BICRA: variants seen among roughly 807,000 people sequenced by gnomAD.
BICRA encodes BRD4-interacting chromatin-remodeling complex-associated protein.
In BICRA, 31 loss-of-function variants were observed where a neutral mutation model predicts 96.9. The ratio of observed to expected loss-of-function variants is 0.32; its 90% CI spans 0.24 to 0.43. The LOEUF (loss-of-function observed/expected upper bound fraction) is 0.43, where lower values mean the gene tolerates loss of function less well. Among genes scored for constraint, BICRA ranks in the 20% least tolerant of loss-of-function variants. The probability of loss-of-function intolerance (pLI) is 1.00; values close to 1 mark genes in which losing one functional copy is unlikely to be tolerated. For synonymous variants in BICRA, 1,350 were observed against 1,071.8 expected (o/e 1.26, Z -5.07); for missense variants, 2,283 against 2,190.3 (o/e 1.04, Z -0.84).
At position 47,699,237 on chromosome 19, in the gene BICRA, C is replaced by G. The variant is rs1973401128; in HGVS notation, c.3493-66C>G. 1.0e-6 allele frequency: 1 copy of G among 967,534 alleles called. No homozygotes were observed. Among genetic ancestry groups the G allele is most frequent in the Admixed American group, 2.0e-5 (1 of 50,040 alleles). 59.9% of individuals were successfully genotyped at this position (967,534 alleles called of 1,614,324 possible). Reference sequence around the variant, plus strand: ...AGTTTGGACCTTGCACGCATCGTCCCCGTCGCTCGCGCCCCTTCCCCCTTC... The same window carrying G: ...AGTTTGGACCTTGCACGCATCGTCCGCGTCGCTCGCGCCCCTTCCCCCTTC... On this transcript the variant is annotated intron_variant, in intron 13 of 14. Coordinates refer to ENST00000594866, the MANE Select transcript of BICRA (RefSeq NM_001394372.1). The surrounding 1 kb of genome is among the most constrained non-coding windows in gnomAD (Gnocchi z 5.0).
At chr19:47,651,140 G>A (rs1415738648) in intron 1 of BICRA, among the ~76,000 whole-genome samples, 3 of 151,952 alleles carry the variant, frequency 2.0e-5, no homozygotes, top group Admixed American at 6.6e-5. Context: ...TCTGCAGTCC[G>A]TTCTCCACTC....
intron 1 of BICRA, among the ~76,000 whole-genome samples, chr19:47,614,293 A>G (rs952325220): frequency 3.9e-5 from 6 of 152,100 alleles, no homozygotes; most frequent in Admixed American, 6.6e-5. Context: ...TGTTCTGTGC[A>G]TGTACTTTTA....
chr19:47,689,662 T>TC (rs1973211611), intron 7 of BICRA, among the ~76,000 whole-genome samples: 1 of 132,020 alleles, frequency 7.6e-6, no homozygotes, highest in Non-Finnish European at 1.6e-5. Context: ...TCCGCCTGCC[T>TC]GGCCTCCCAA....
At position 47,701,923 on chromosome 19, in the gene BICRA, C is replaced by T. The variant is rs1284559349; in HGVS notation, c.4191C>T (p.Gly1397=). ...LRKTYRENVG[G]PGAPEGTPAG... is the part of the protein sequence containing the mutation. ...AGACCTACCGCGAGAACGTGGGGGG[C>T]CCTGGCGCGCCGGAGGGGACGCCCG... is the stretch of plus-strand genomic sequence containing the variant. Residue 1397 remains glycine (G), a synonymous_variant, in exon 15 of 15, where the codon GGC becomes GGT. Coordinates refer to ENST00000594866, the MANE Select transcript of BICRA (RefSeq NM_001394372.1). The surrounding 1 kb of genome is among the most constrained non-coding windows in gnomAD (Gnocchi z 5.4). 8 of 1,431,854 alleles carry T rather than the reference C, an allele frequency of 5.6e-6. No homozygotes were observed. The South Asian group carries it at 1.1e-4, about 20-fold the overall frequency. 88.7% of individuals were successfully genotyped at this position (1,431,854 alleles called of 1,614,324 possible).
intron 1 of BICRA, among the ~76,000 whole-genome samples, chr19:47,639,536 A>G (rs1024445620): frequency 2.0e-5 from 3 of 150,400 alleles, no homozygotes; most frequent in Non-Finnish European, 4.4e-5. Context: ...TCACCGTGTT[A>G]GCTAGGATGG....
rs1412801143 is a variant in BICRA, at chr19:47,702,010, C to G, written c.4278C>G (p.Ser1426Arg). The G allele has an allele frequency of 6.7e-7, 1 of 1,488,146 alleles. No homozygotes were observed. The allele number at this position is 1,488,146 out of a possible 1,614,324, so 92.2% of individuals were successfully genotyped here. Reference sequence around the variant, plus strand: ...CCGCCAAAGTGGACGAGGCCACCAGCGGGCTCATCCGCGAGCTGGCGGCCG... The same window carrying G: ...CCGCCAAAGTGGACGAGGCCACCAGGGGGCTCATCCGCGAGCTGGCGGCCG... ...PLPAKVDEAT[S>R]GLIRELAAVE... Residue 1426 changes from serine to arginine, a missense_variant, in exon 15 of 15, where the codon AGC becomes AGG. Transcript: ENST00000594866.
intron 8 of BICRA, 37 bp from the exon 9 acceptor site, chr19:47,694,863 A>G (rs374764038): frequency 2.1e-5 from 30 of 1,441,252 alleles, no homozygotes; most frequent in African/African-American, 8.6e-5. Context: ...CACCTAGCCT[A>G]TGTTCCCCAC....
chr19:47,660,908 A>G (rs1972693836), intron 1 of BICRA, among the ~76,000 whole-genome samples: 1 of 152,128 alleles, frequency 6.6e-6, no homozygotes. Context: ...GTGAGAATGA[A>G]ATGATAAGAT....
At chr19:47,619,107 C>T (rs923580744) in intron 1 of BICRA, among the ~76,000 whole-genome samples, 9 of 152,082 alleles carry the variant, frequency 5.9e-5, no homozygotes, top group East Asian at 1.9e-4. Flanking sequence ...TGCTGTACTG[C>T]GGAATTTCTC....
At chr19:47,629,947 C>T (rs1271829114) in intron 1 of BICRA, among the ~76,000 whole-genome samples, 1 of 152,170 alleles carries the variant, frequency 6.6e-6, no homozygotes, top group Non-Finnish European at 1.5e-5. Context: ...AGGCATGAGC[C>T]ACGGCGCCCG....
intron 7 of BICRA, among the ~76,000 whole-genome samples, chr19:47,692,682 C>A (rs902568711): frequency 1.3e-5 from 2 of 152,192 alleles, no homozygotes; most frequent in African/African-American, 4.8e-5. Flanking sequence ...TTAGAGGTGG[C>A]AAACCTTTTG....
At chr19:47,637,436 AC>A (rs1479240628) in intron 1 of BICRA, among the ~76,000 whole-genome samples, 2 of 152,076 alleles carry the variant, frequency 1.3e-5, no homozygotes, top group African/African-American at 4.8e-5. Context: ...ATTTTTTGAG[AC>A]AGAGTCTTGC....
At chr19:47,637,740 C>G (rs1055687398) in intron 1 of BICRA, among the ~76,000 whole-genome samples, 1 of 152,164 alleles carries the variant, frequency 6.6e-6, no homozygotes, top group African/African-American at 2.4e-5. Flanking sequence ...ATTTCGCTTC[C>G]TGTCTCCATG....
chr19:47,678,039 T>G (rs1443096404), intron 5 of BICRA, among the ~76,000 whole-genome samples: 1 of 152,200 alleles, frequency 6.6e-6, no homozygotes, highest in Non-Finnish European at 1.5e-5. Flanking sequence ...CTTAGAGCTT[T>G]TTGGGTTTTG....
At chr19:47,662,752 T>G (rs1389227065) in intron 1 of BICRA, 2 of 152,282 alleles carry the variant, frequency 1.3e-5, no homozygotes, top group Admixed American at 6.5e-5. Flanking sequence ...GGTCAAGGGC[T>G]GAAGTCATAG....
At chr19:47,650,026 A>G (rs1972518518) in intron 1 of BICRA, among the ~76,000 whole-genome samples, 1 of 151,998 alleles carries the variant, frequency 6.6e-6, no homozygotes, top group African/African-American at 2.4e-5. Flanking sequence ...ATATCAGCTC[A>G]CTGCCACCTC....
At chr19:47,657,205 C>A (rs1972632113) in intron 1 of BICRA, among the ~76,000 whole-genome samples, 1 of 152,020 alleles carries the variant, frequency 6.6e-6, no homozygotes, top group South Asian at 2.1e-4. Context: ...AGTGTGTAGA[C>A]TTTTGTGCCA....
chr19:47,695,592 T>TCAGG lies in BICRA; in HGVS notation c.3186+122_3186+125dup, dbSNP rs1973327817. On this transcript the variant is annotated intron_variant, in intron 10 of 14. Coordinates refer to ENST00000594866, the MANE Select transcript of BICRA (RefSeq NM_001394372.1). ...CGCGGACAGGATGAAGCTGGGACCA[T>TCAGG]CAGGCAGCTGAGACACCACGAACAG... 4.8e-6 allele frequency: 3 copies of TCAGG among 628,516 alleles called. No homozygotes were observed. The East Asian group carries it at 8.3e-5, about 17-fold the overall frequency. 38.9% of individuals were successfully genotyped at this position (628,516 alleles called of 1,614,324 possible).
At chr19:47,691,694 G>T (rs1253923345) in intron 7 of BICRA, among the ~76,000 whole-genome samples, 1 of 151,970 alleles carries the variant, frequency 6.6e-6, no homozygotes, top group African/African-American at 2.4e-5. Context: ...CTCCTGAGTG[G>T]CCGGGATTAC....
Sources: gnomAD v4.1 joint callset for allele counts (sites outside exome capture counted in the v4.1 genomes callset) on GRCh38, gnomAD v4.1.1 for gene constraint, Gnocchi (gnomAD v3.1) non-coding constraint, MANE v1.5 for transcripts, NCBI Gene and HGNC (gene_info 2026-07-23, HGNC 2026-07-21) for gene names.